Variants in LTO1 observed in about 807,000 individuals in gnomAD.
The protein encoded by LTO1 is protein LTO1 homolog.
Under a neutral mutation model 19.8 loss-of-function variants are expected in LTO1, and 18 were observed. The observed-to-expected ratio is 0.91, with a 90% CI of 0.63 to 1.35. The LOEUF is 1.35. LTO1 is among the 40% of genes most tolerant of loss of function. The pLI, the probability that LTO1 is intolerant of heterozygous loss-of-function variation, is 0.00. For missense variants in LTO1, 175 were observed against 167.9 expected (o/e 1.04, Z -0.23); for synonymous variants, 59 against 59.6 (o/e 0.99, Z 0.05).
intron 3 of LTO1, 157 bp downstream of exon 3, chr11:69,671,592 G>A (rs1019887510): frequency 2.3e-5 from 14 of 608,750 alleles, no homozygotes; most frequent in African/African-American, 1.3e-4. Flanking sequence ...TAGTATTTCC[G>A]TTAAATCTCC....
At chr11:69,674,814 G>A (rs543613654) in intron 1 of LTO1, 5 of 497,396 alleles carry the variant, frequency 1.0e-5, no homozygotes, top group African/African-American at 7.7e-5. Flanking sequence ...GCACATCCAT[G>A]AATACTGCCG....
At chr11:69,669,492 T>G (rs564020408) in intron 3 of LTO1, among the ~76,000 whole-genome samples, 2 of 152,182 alleles carry the variant, frequency 1.3e-5, no homozygotes, top group African/African-American at 2.4e-5. Context: ...AGCAAGTCAG[T>G]TTTAGCAACA....
In LTO1 at chr11:69,666,599, G is replaced by A. The variant is rs777680780; in HGVS notation, c.*920C>T. 7 of 152,262 alleles carry A rather than the reference G, an allele frequency of 4.6e-5. No individual in the cohort carries two copies. Among genetic ancestry groups the A allele is most frequent in the Non-Finnish European group, 1.0e-4 (7 of 68,054 alleles). 9.4% of individuals were successfully genotyped at this position (152,262 alleles called of 1,614,324 possible). A position where few individuals can be genotyped will look rare whatever the true frequency, so the allele number is the denominator to read the frequency against. On this transcript the variant is annotated 3_prime_UTR_variant, in exon 5 of 5. Transcript: ENST00000279147. ...GAGAATGCAGGAGGCTATACGCATGGTTCTCAAAGCTTCTGCAAATATAAC... is the reference window on the plus strand; with the variant it reads ...GAGAATGCAGGAGGCTATACGCATGATTCTCAAAGCTTCTGCAAATATAAC...
At chr11:69,667,736 T>C in intron 4 of LTO1, 149 bp from the exon 5 acceptor site, 1 of 711,968 alleles carries the variant, frequency 1.4e-6, no homozygotes, top group Non-Finnish European at 2.5e-6. Flanking sequence ...TGTCTTCAGT[T>C]TTCCTGCACT....
In LTO1 at chr11:69,666,532, A is replaced by T. The variant is rs1856035056; in HGVS notation, c.*987T>A. The T allele has an allele frequency of 6.6e-6, 1 of 152,294 alleles. No individual in the cohort carries two copies. Among genetic ancestry groups the T allele is most frequent in the Non-Finnish European group, 1.5e-5 (1 of 68,090 alleles). 9.4% of individuals were successfully genotyped at this position (152,294 alleles called of 1,614,324 possible). ...GTGCCCACCCCACTGCCTCTGTATGACGCCTCGTAAGGACAGAGACAAAAG... is the reference window on the plus strand; with the variant it reads ...GTGCCCACCCCACTGCCTCTGTATGTCGCCTCGTAAGGACAGAGACAAAAG... On this transcript the variant is annotated 3_prime_UTR_variant, in exon 5 of 5. Transcript: ENST00000279147.
chr11:69,672,907 A>T, intron 2 of LTO1: 1 of 384,200 alleles, frequency 2.6e-6, no homozygotes, highest in Non-Finnish European at 5.0e-6. Context: ...GGTTCAAGCG[A>T]GTCTCATACC....
At chr11:69,675,082 C>A (rs1178741809) in intron 1 of LTO1, 108 bp downstream of exon 1, 2 of 986,464 alleles carry the variant, frequency 2.0e-6, no homozygotes, top group Non-Finnish European at 3.1e-6. Context: ...CCAATGCGCA[C>A]GCCCAAGGGA....
intron 2 of LTO1, chr11:69,672,994 G>A (rs1245059642): frequency 3.5e-6 from 2 of 569,158 alleles, no homozygotes; most frequent in African/African-American, 1.9e-5. Context: ...TAGAGACAGG[G>A]TTTCACCATG....
chr11:69,667,814 G>A, intron 4 of LTO1, 81 bp downstream of exon 4: 1 of 833,242 alleles, frequency 1.2e-6, no homozygotes. Flanking sequence ...CATTGCCGCA[G>A]CGGCCCCGGG....
rs570500838 is a variant in LTO1, at chr11:69,670,608, AATATTCAAG to A, written c.227+1132_227+1140del. Among the ~76,000 whole-genome samples, 1,484 of 152,320 alleles carry A rather than the reference AATATTCAAG, an allele frequency of 9.7e-3. 25 individuals are homozygous for A. Among genetic ancestry groups the A allele is most frequent in the Non-Finnish European group, 0.015 (1,031 of 68,026 alleles). On this transcript the variant is annotated intron_variant, in intron 3 of 4. Coordinates refer to ENST00000279147, the MANE Select transcript of LTO1 (RefSeq NM_153451.3). The stretch of plus-strand genomic sequence containing the variant: ...AAGCATCCTCATTCTTAAACATTTG[AATATTCAAG>A]ATATTCAAGGTATTTCTAGAAATTC...
At chr11:69,670,426 G>A (rs1475361208) in intron 3 of LTO1, among the ~76,000 whole-genome samples, 3 of 152,222 alleles carry the variant, frequency 2.0e-5, no homozygotes, top group Non-Finnish European at 2.9e-5. Context: ...TGGTAGCACA[G>A]GCTGCCAACA....
At position 69,667,816 on chromosome 11, in the gene LTO1, G is replaced by A. The variant is rs748293083; in HGVS notation, c.345+79C>T. The A allele has an allele frequency of 1.4e-4, 119 of 841,346 alleles. 1 individual carries two copies. Among genetic ancestry groups the A allele is most frequent in the South Asian group, 5.8e-4 (43 of 73,510 alleles). 52.1% of individuals were successfully genotyped at this position (841,346 alleles called of 1,614,324 possible). A position where few individuals can be genotyped will look rare whatever the true frequency, so the allele number is the denominator to read the frequency against. On this transcript the variant is annotated intron_variant, in intron 4 of 4. Coordinates refer to ENST00000279147, the MANE Select transcript of LTO1 (RefSeq NM_153451.3). ...CGCAGCCCCAGGCCATTGCCGCAGCGGCCCCGGGAGTGCGCTGCCCCGCCT... is the reference window on the plus strand; with the variant it reads ...CGCAGCCCCAGGCCATTGCCGCAGCAGCCCCGGGAGTGCGCTGCCCCGCCT...
At position 69,667,373 on chromosome 11, in the gene LTO1, A is replaced by C; in HGVS notation, c.*146T>G. On this transcript the variant is annotated 3_prime_UTR_variant, in exon 5 of 5. Coordinates refer to ENST00000279147, the MANE Select transcript of LTO1 (RefSeq NM_153451.3). ...TGACACAGGCAGAAAACCCCAGGGAAGGAAGCCCTCCCACGGCCGAACCGG... is the reference window on the plus strand; with the variant it reads ...TGACACAGGCAGAAAACCCCAGGGACGGAAGCCCTCCCACGGCCGAACCGG... 3.1e-6 allele frequency: 2 copies of C among 643,066 alleles called. No homozygotes were observed. The highest frequency in any genetic ancestry group is 5.6e-6 in the Non-Finnish European group (2 of 357,604). The allele number at this position is 643,066 out of a possible 1,614,324, so 39.8% of individuals were successfully genotyped here.
rs755198448 is a variant in LTO1 at position 69,671,765 on chromosome 11, T to C, written c.211A>G (p.Thr71Ala). The change falls in exon 3 of 5, where the codon ACC (threonine) becomes GCC (alanine). Residue 71 changes from threonine (T) to alanine (A), a missense_variant. By Grantham distance (58) the Thr-to-Ala change is moderately conservative. Coordinates refer to ENST00000279147, the MANE Select transcript of LTO1 (RefSeq NM_153451.3). ...FAWKCLLHSC[T>A]TEKDSRKMKV... ...CACCTTTACCTGTCCTTCTCAGTGG[T>C]GCAACTGTGCAGTAGACATTTCCAT... 3 of 1,595,230 alleles carry C rather than the reference T, an allele frequency of 1.9e-6. No individual in the cohort carries two copies. The highest frequency in any genetic ancestry group is 2.6e-6 in the Non-Finnish European group (3 of 1,162,778).
chr11:69,674,770 G>C, intron 1 of LTO1: 1 of 463,034 alleles, frequency 2.2e-6, no homozygotes, highest in Non-Finnish European at 4.3e-6. Context: ...AGGGGCTCTG[G>C]AGGGAAAAGG....
At chr11:69,669,804 C>T (rs748578497) in intron 3 of LTO1, among the ~76,000 whole-genome samples, 19 of 152,202 alleles carry the variant, frequency 1.2e-4, no homozygotes, top group Non-Finnish European at 1.9e-4. Context: ...ACAGAAGTGT[C>T]ACGCAGTTTA....
At chr11:69,672,095 A>C in intron 2 of LTO1, 1 of 413,538 alleles carries the variant, frequency 2.4e-6, no homozygotes, top group Non-Finnish European at 4.5e-6. Context: ...TAACCAACAG[A>C]ATGTGGAGGA....
At position 69,675,340 on chromosome 11, in the gene LTO1, C is replaced by G; in HGVS notation, c.-101G>C. On this transcript the variant is annotated 5_prime_UTR_variant, in exon 1 of 5. Coordinates refer to ENST00000279147, the MANE Select transcript of LTO1 (RefSeq NM_153451.3). ...CACAAATGCTCCGCTTGGGAGGAGA[C>G]GAGACCCACTTCCGGAAGCGGCGGC... The G allele has an allele frequency of 1.0e-6, 1 of 984,938 alleles. No individual in the cohort carries two copies. The highest frequency in any genetic ancestry group is 1.4e-6 in the Non-Finnish European group (1 of 693,926). 61.0% of individuals were successfully genotyped at this position (984,938 alleles called of 1,614,324 possible).
Position 69,671,742 on chromosome 11 carries a change from C to T in LTO1, c.227+7G>A. 6.5e-7 allele frequency: 1 copy of T among 1,550,242 alleles called. No homozygotes were observed. The highest frequency in any genetic ancestry group is 8.9e-7 in the Non-Finnish European group (1 of 1,121,628). On this transcript the variant is annotated splice_region_variant and intron_variant, in intron 3 of 4. Coordinates refer to ENST00000279147, the MANE Select transcript of LTO1 (RefSeq NM_153451.3). ...ACGCTGAGAAAGAAAGACATCTCCA[C>T]CTTTACCTGTCCTTCTCAGTGGTGC...
Sources: allele counts gnomAD v4.1 joint callset (sites outside exome capture counted in the v4.1 genomes callset), GRCh38; gene constraint gnomAD v4.1.1; transcripts MANE v1.5; gene names NCBI Gene and HGNC (gene_info 2026-07-23, HGNC 2026-07-21).